EIF4G3: variants seen among roughly 807,000 people sequenced by gnomAD.
The protein encoded by EIF4G3 is eIF-4-gamma 3.
EIF4G3 carries 34 observed loss-of-function variants against 186.4 expected under a neutral mutation model. The observed-to-expected ratio is 0.18, with a 90% CI of 0.14 to 0.24. The LOEUF (loss-of-function observed/expected upper bound fraction) is 0.24, where lower values mean the gene tolerates loss of function less well. EIF4G3 is among the 10% of genes least tolerant of loss of function. EIF4G3 has a pLI of 1.00. For missense variants in EIF4G3, 1,536 were observed against 1,948.5 expected, an observed-to-expected ratio of 0.79 and a Z score of 3.99; for synonymous variants, 673 against 679.5, an observed-to-expected ratio of 0.99 and a Z score of 0.15.
chr1:20,807,609 G>A, intron 36 of EIF4G3, 109 bp from the exon 37 acceptor site: 2 of 983,844 alleles, frequency 2.0e-6, no homozygotes, highest in Admixed American at 3.3e-5. Context: ...AATTCCCCCA[G>A]AAAAAAGCAA....
intron 3 of EIF4G3, among the ~76,000 whole-genome samples, chr1:21,061,581 T>A (rs1437969823): frequency 6.6e-6 from 1 of 152,026 alleles, no homozygotes; most frequent in Non-Finnish European, 1.5e-5. Flanking sequence ...TTATCAAAAC[T>A]AGCAAATTTC....
At position 20,832,178 on chromosome 1, in the gene EIF4G3, C is replaced by G. The variant is rs1413450889; in HGVS notation, c.4062-2906G>C. On this transcript the variant is annotated intron_variant, in intron 30 of 36. Coordinates refer to ENST00000602326, the MANE Select transcript of EIF4G3 (RefSeq NM_001391906.1). ...TTCCAGTTCTAGATCCCTGAGGAATCGCCACACTGACTTCCACAATGGTTG... is the reference window on the plus strand; with the variant it reads ...TTCCAGTTCTAGATCCCTGAGGAATGGCCACACTGACTTCCACAATGGTTG... Among the ~76,000 whole-genome samples the G allele has an allele frequency of 2.1e-5, 3 of 144,986 alleles. No homozygotes were observed. The South Asian group carries it at 6.9e-4, about 33-fold the overall frequency.
At chr1:20,911,309 T>C (rs2093154748) in intron 14 of EIF4G3, among the ~76,000 whole-genome samples, 1 of 152,038 alleles carries the variant, frequency 6.6e-6, no homozygotes, top group Non-Finnish European at 1.5e-5. Context: ...GGCTCATGCC[T>C]GTAATCCCAA....
intron 3 of EIF4G3, among the ~76,000 whole-genome samples, chr1:21,053,405 TGGAA>T (rs1194474363): frequency 1.4e-5 from 2 of 144,052 alleles, no homozygotes; most frequent in African/African-American, 5.3e-5. Flanking sequence ...CCGCCCCGTC[TGGAA>T]GGGAGGTGGG....
chr1:20,846,551 T>G (rs2071099037), intron 29 of EIF4G3, among the ~76,000 whole-genome samples: 1 of 152,230 alleles, frequency 6.6e-6, no homozygotes, highest in East Asian at 1.9e-4. Flanking sequence ...AAAACATTTT[T>G]TTGGTAGCTA....
intron 30 of EIF4G3, among the ~76,000 whole-genome samples, chr1:20,839,453 A>G (rs1033562162): frequency 1.3e-5 from 2 of 152,166 alleles, no homozygotes; most frequent in African/African-American, 4.8e-5. Flanking sequence ...TAAATTTTCT[A>G]GGACCTAGAA....
At chr1:20,817,674 G>GTTT in intron 33 of EIF4G3, 136 bp from the exon 34 acceptor site, 1 of 248,766 alleles carries the variant, frequency 4.0e-6, no homozygotes, top group Non-Finnish European at 7.0e-6. Context: ...GCTATTTTAT[G>GTTT]TTTGTAGTTT....
At chr1:21,027,984 C>T (rs1414342728) in intron 4 of EIF4G3, among the ~76,000 whole-genome samples, 3 of 152,132 alleles carry the variant, frequency 2.0e-5, no homozygotes, top group Non-Finnish European at 4.4e-5. Flanking sequence ...ACATATCCTA[C>T]AAAATGGATG....
intron 14 of EIF4G3, among the ~76,000 whole-genome samples, chr1:20,920,425 G>A (rs570551438): frequency 1.4e-4 from 22 of 152,014 alleles, no homozygotes; most frequent in South Asian, 4.2e-4. Flanking sequence ...AAGTAGAAAG[G>A]GCAACAACTA....
chr1:20,810,619 G>T lies in EIF4G3; in HGVS notation c.4744+119C>A. On this transcript the variant is annotated intron_variant, in intron 36 of 36. Coordinates refer to ENST00000602326, the MANE Select transcript of EIF4G3 (RefSeq NM_001391906.1). The surrounding 1 kb of genome is among the most constrained non-coding windows in gnomAD (Gnocchi z 4.1). Reference sequence around the variant, plus strand: ...AAATTTATTAAAGTTAGTTATATGAGTTTGTGTTATTAGTGATTCTTTTAT... The same window carrying T: ...AAATTTATTAAAGTTAGTTATATGATTTTGTGTTATTAGTGATTCTTTTAT... The T allele has an allele frequency of 8.3e-7, 1 of 1,206,930 alleles. No individual in the cohort carries two copies. Among genetic ancestry groups the T allele is most frequent in the South Asian group, 1.4e-5 (1 of 70,752 alleles). The allele number at this position is 1,206,930 out of a possible 1,614,324, so 74.8% of individuals were successfully genotyped here.
chr1:20,873,550 A>G (rs1332058530), intron 20 of EIF4G3, among the ~76,000 whole-genome samples: 1 of 152,102 alleles, frequency 6.6e-6, no homozygotes, highest in Non-Finnish European at 1.5e-5. Context: ...GAACATCTTC[A>G]ACATTATTGC....
chr1:20,932,500 A>T (rs1466107934), intron 14 of EIF4G3, among the ~76,000 whole-genome samples: 1 of 152,080 alleles, frequency 6.6e-6, no homozygotes, highest in Non-Finnish European at 1.5e-5. Context: ...CTAGCTTTTA[A>T]TTTCAAGCGG....
intron 14 of EIF4G3, among the ~76,000 whole-genome samples, chr1:20,907,382 T>A (rs946018590): frequency 6.6e-6 from 1 of 151,722 alleles, no homozygotes; most frequent in African/African-American, 2.4e-5. Context: ...TTTTTGCAAA[T>A]TTTTTTTTAA....
chr1:21,034,930 G>A (rs2093052573), intron 4 of EIF4G3, among the ~76,000 whole-genome samples: 1 of 152,136 alleles, frequency 6.6e-6, no homozygotes, highest in Admixed American at 6.5e-5. Context: ...GCCAGGCAAG[G>A]GGGAGCCCTG....
At chr1:20,826,165 A>G (rs2063560237) in intron 32 of EIF4G3, among the ~76,000 whole-genome samples, 1 of 152,078 alleles carries the variant, frequency 6.6e-6, no homozygotes, top group South Asian at 2.1e-4. Flanking sequence ...GTGAGTTTTT[A>G]GTTATTATTA....
rs1218325246 is a variant in EIF4G3 at position 20,853,610 on chromosome 1, C to G, written c.3501G>C (p.Gly1167=). The G allele has an allele frequency of 6.2e-7, 1 of 1,613,974 alleles. No individual in the cohort carries two copies. The highest frequency in any genetic ancestry group is 1.1e-5 in the South Asian group (1 of 91,070). ...ACTCTACAGGCGTGGATGGCGTGGA[C>G]CCTGAGGGTGCTGGAGGTTGCAGGG... ...FSALQPPAPS[G]STPSTPVEFD... The change falls in exon 27 of 37, where the codon GGG becomes GGC. Residue 1167 remains glycine (G), a synonymous_variant. Transcript: ENST00000602326.
At chr1:20,884,528 G>T (rs1478177523) in intron 19 of EIF4G3, among the ~76,000 whole-genome samples, 1 of 152,166 alleles carries the variant, frequency 6.6e-6, no homozygotes, top group Non-Finnish European at 1.5e-5. Flanking sequence ...AAGCCATTTA[G>T]GCCCATTATC....
intron 2 of EIF4G3, among the ~76,000 whole-genome samples, chr1:21,148,445 G>C (rs2097490980): frequency 6.6e-6 from 1 of 151,966 alleles, no homozygotes; most frequent in Non-Finnish European, 1.5e-5. Flanking sequence ...GCTCACACCT[G>C]TCATCCCAGC....
chr1:20,908,850 A>T (rs923243262), intron 14 of EIF4G3, among the ~76,000 whole-genome samples: 8 of 152,106 alleles, frequency 5.3e-5, no homozygotes, highest in African/African-American at 1.9e-4. Flanking sequence ...CTGAAGTCTG[A>T]GGTAGTTAGA....
Sources: allele counts gnomAD v4.1 joint callset (sites outside exome capture counted in the v4.1 genomes callset), GRCh38; gene constraint gnomAD v4.1.1; non-coding constraint Gnocchi (gnomAD v3.1); transcripts MANE v1.5; gene names NCBI Gene and HGNC (gene_info 2026-07-23, HGNC 2026-07-21).